Variants in CLOCK observed in about 807,000 individuals in gnomAD.
CLOCK encodes clock circadian regulator, also known as circadian locomoter output cycles protein kaput.
In CLOCK, 43 loss-of-function variants were observed where a neutral mutation model predicts 118.4. The observed-to-expected ratio is 0.36, with a 90% CI of 0.28 to 0.47. The LOEUF (loss-of-function observed/expected upper bound fraction) is 0.47, where lower values mean the gene tolerates loss of function less well. Ranked by LOEUF, CLOCK falls within the 20% of genes least tolerant of loss-of-function variation. The probability of loss-of-function intolerance (pLI) is 1.00; values close to 1 mark genes in which losing one functional copy is unlikely to be tolerated. For synonymous variants in CLOCK, 326 were observed against 339.2 expected (o/e 0.96, Z 0.43); for missense variants, 846 against 999.9 (o/e 0.85, Z 2.08).
At chr4:55,459,918 T>G (rs1426691936) in intron 9 of CLOCK, among the ~76,000 whole-genome samples, 1 of 152,130 alleles carries the variant, frequency 6.6e-6, no homozygotes, top group African/African-American at 2.4e-5. Flanking sequence ...TGCCTCAAAG[T>G]GGAGGGATTA....
intron 2 of CLOCK, among the ~76,000 whole-genome samples, chr4:55,506,647 G>A (rs1019761192): frequency 6.6e-6 from 1 of 151,656 alleles, no homozygotes; most frequent in Admixed American, 6.6e-5. Context: ...TGCAACCTCT[G>A]CCTTCCGGGT....
chr4:55,465,297 TACA>T (rs2109831059), intron 8 of CLOCK, among the ~76,000 whole-genome samples: 2 of 152,312 alleles, frequency 1.3e-5, no homozygotes, highest in East Asian at 3.9e-4. Flanking sequence ...TACATGTAAA[TACA>T]ACACCATTTT....
At chr4:55,532,835 C>T (rs138310410) in intron 1 of CLOCK, among the ~76,000 whole-genome samples, 2,774 of 151,828 alleles carry the variant, frequency 0.018, 31 homozygotes, top group Non-Finnish European at 0.024. Flanking sequence ...TGACAGAGAC[C>T]CTATCTCTTT....
At chr4:55,493,623 T>C (rs1032327280) in intron 2 of CLOCK, among the ~76,000 whole-genome samples, 4 of 152,226 alleles carry the variant, frequency 2.6e-5, no homozygotes, top group African/African-American at 9.6e-5. Context: ...TTTAGATTCG[T>C]TGTTTAATGT....
chr4:55,435,582 G>T lies in CLOCK; in HGVS notation c.2374C>A (p.Leu792Ile), dbSNP rs762866277. Residue 792 changes from leucine to isoleucine, a missense_variant, in exon 23 of 23, where the codon CTC becomes ATC. By Grantham distance (5) the Leu-to-Ile change is conservative. Coordinates refer to ENST00000513440, the MANE Select transcript of CLOCK (RefSeq NM_004898.4). ...PQQFLQTSRL[L>I]HGNPSTQLIL... Reference sequence around the variant, plus strand: ...AGTTGAGTTGAGGGATTCCCATGGAGCAACCTAGAAGTCTAAAAAACAAAT... The same window carrying T: ...AGTTGAGTTGAGGGATTCCCATGGATCAACCTAGAAGTCTAAAAAACAAAT... 1.2e-6 allele frequency: 2 copies of T among 1,613,928 alleles called. No homozygotes were observed. Among genetic ancestry groups the T allele is most frequent in the South Asian group, 2.2e-5 (2 of 91,066 alleles).
At chr4:55,439,073 T>G (rs1346466751) in intron 21 of CLOCK, among the ~76,000 whole-genome samples, 1 of 152,208 alleles carries the variant, frequency 6.6e-6, no homozygotes, top group Non-Finnish European at 1.5e-5. Context: ...AAAAGGTAAC[T>G]GTCCCATCCC....
At chr4:55,474,512 T>C (rs1408760426) in intron 7 of CLOCK, among the ~76,000 whole-genome samples, 2 of 152,118 alleles carry the variant, frequency 1.3e-5, no homozygotes, top group African/African-American at 2.4e-5. Context: ...AGAGTTTCAG[T>C]GCAGATGAAA....
rs770398406 is a variant in CLOCK at position 55,482,748 on chromosome 4, A to G, written c.38T>C (p.Ile13Thr). ...FTVSCSKMSS[I>T]VDRDDSSIFD... ...GTCTTCAAAAACATACCTGTCAACA[A>G]TCGAGCTCATTTTACTACAGCTTAC... Residue 13 changes from isoleucine to threonine, a missense_variant, in exon 4 of 23, where the codon ATT (isoleucine) becomes ACT (threonine). By Grantham distance (89) the Ile-to-Thr change is moderately conservative. Around this residue, in one of 4 missense-constraint regions of CLOCK, gnomAD observed 246 missense variants for 300.2 expected, o/e 0.82. Coordinates refer to ENST00000513440, the MANE Select transcript of CLOCK (RefSeq NM_004898.4). 1 of 1,607,808 alleles carries G rather than the reference A, an allele frequency of 6.2e-7. No homozygotes were observed. The highest frequency in any genetic ancestry group is 1.1e-5 in the South Asian group (1 of 89,866).
At chr4:55,508,351 A>G (rs1728937912) in intron 2 of CLOCK, among the ~76,000 whole-genome samples, 1 of 152,220 alleles carries the variant, frequency 6.6e-6, no homozygotes, top group African/African-American at 2.4e-5. Flanking sequence ...ATAATAGAAG[A>G]ATCCATTTCC....
In CLOCK at chr4:55,453,664, A is replaced by G. The variant is rs766355075; in HGVS notation, c.1130+13T>C. ...GTTACAGTAATTCAGAAATTCTCTA[A>G]AAGAATTATTACCTTACTACAGTGT... On this transcript the variant is annotated intron_variant, in intron 14 of 22. Transcript: ENST00000513440. 1.5e-5 allele frequency: 24 copies of G among 1,605,582 alleles called. No individual in the cohort carries two copies. Among genetic ancestry groups the G allele is most frequent in the Non-Finnish European group, 2.0e-5 (23 of 1,174,074 alleles).
chr4:55,457,250 A>G lies in CLOCK; in HGVS notation c.793-950T>C, dbSNP rs373502382. Among the ~76,000 whole-genome samples, 11 of 152,322 alleles carry G rather than the reference A, an allele frequency of 7.2e-5. No individual in the cohort carries two copies. In the South Asian group the frequency reaches 2.3e-3, roughly 32 times the overall value. ...CACACCCAATCACACAATTTTCCGTATTATTCTATACATGTGTAGTGGCCA... is the reference window on the plus strand; with the variant it reads ...CACACCCAATCACACAATTTTCCGTGTTATTCTATACATGTGTAGTGGCCA... On this transcript the variant is annotated intron_variant, in intron 11 of 22. Transcript: ENST00000513440.
intron 2 of CLOCK, among the ~76,000 whole-genome samples, chr4:55,494,574 G>A (rs1009869963): frequency 6.6e-6 from 1 of 152,070 alleles, no homozygotes; most frequent in Non-Finnish European, 1.5e-5. Flanking sequence ...GAGAAGGGAA[G>A]GATAGGAGGG....
rs562901178 is a variant in CLOCK, at chr4:55,454,921, G to A, written c.982+976C>T. On this transcript the variant is annotated intron_variant, in intron 13 of 22. Transcript: ENST00000513440. ...GAAATCAAGGTCTACAAACAAACTT[G>A]CTGTCCAAAGTTACCCAGCTAGTTA... 8.3e-5 allele frequency among the ~76,000 whole-genome samples: 10 copies of A among 120,906 alleles called. No individual in the cohort carries two copies. In the East Asian group the frequency reaches 2.8e-3, roughly 34 times the overall value. The allele number at this position is 120,906 out of a possible 152,430, so 79.3% of individuals were successfully genotyped here.
At chr4:55,457,134 C>T (rs1225229857) in intron 11 of CLOCK, among the ~76,000 whole-genome samples, 1 of 152,174 alleles carries the variant, frequency 6.6e-6, no homozygotes, top group African/African-American at 2.4e-5. Context: ...GACCTCTCTC[C>T]TGAATTACAG....
chr4:55,494,744 T>C (rs1727942961), intron 2 of CLOCK, among the ~76,000 whole-genome samples: 1 of 151,802 alleles, frequency 6.6e-6, no homozygotes, highest in Non-Finnish European at 1.5e-5. Flanking sequence ...GATGCAAAGT[T>C]GCTGGCTTTG....
intron 2 of CLOCK, among the ~76,000 whole-genome samples, chr4:55,500,542 G>T (rs1728365990): frequency 6.6e-6 from 1 of 152,042 alleles, no homozygotes; most frequent in Non-Finnish European, 1.5e-5. Flanking sequence ...GCAGAGACAA[G>T]ATCTCATTAT....
chr4:55,513,688 A>G (rs1368642123), intron 1 of CLOCK, among the ~76,000 whole-genome samples: 1 of 152,146 alleles, frequency 6.6e-6, no homozygotes, highest in Non-Finnish European at 1.5e-5. Context: ...TATCTACAAC[A>G]AACTGCAATT....
chr4:55,541,406 TAAA>T (rs1359525690), intron 1 of CLOCK, among the ~76,000 whole-genome samples: 1 of 152,164 alleles, frequency 6.6e-6, no homozygotes, highest in Non-Finnish European at 1.5e-5. Flanking sequence ...ACAAGGAACT[TAAA>T]AAATATTTTA....
At chr4:55,444,850 A>G (rs1723671613) in intron 18 of CLOCK, 65 bp from the exon 19 acceptor site, 2 of 1,514,238 alleles carry the variant, frequency 1.3e-6, no homozygotes, top group South Asian at 2.3e-5. Context: ...ATAATTGCAC[A>G]ACATGAAAAG....
Sources: gnomAD v4.1 joint callset for allele counts (sites outside exome capture counted in the v4.1 genomes callset) on GRCh38, gnomAD v4.1.1 for gene constraint, gnomAD v4.1.1 regional missense constraint, MANE v1.5 for transcripts, NCBI Gene and HGNC (gene_info 2026-07-23, HGNC 2026-07-21) for gene names.